The following PITPNC1 variants were observed in gnomAD, a reference collection of about 807,000 sequenced individuals.
PITPNC1 encodes the protein phosphatidylinositol transfer protein cytoplasmic 1.
Under a neutral mutation model 44.7 loss-of-function variants are expected in PITPNC1, and 18 were observed. The ratio of observed to expected loss-of-function variants is 0.40; its 90% CI spans 0.28 to 0.60. The LOEUF is 0.60. Among genes scored for constraint, PITPNC1 ranks in the 20% least tolerant of loss-of-function variants. PITPNC1 has a pLI of 0.39. For missense variants in PITPNC1, 290 were observed against 418.4 expected, an observed-to-expected ratio of 0.69 and a Z score of 2.68; for synonymous variants, 141 against 149.6, an observed-to-expected ratio of 0.94 and a Z score of 0.42.
At chr17:67,472,511 G>T (rs1224672042) in intron 1 of PITPNC1, among the ~76,000 whole-genome samples, 1 of 151,606 alleles carries the variant, frequency 6.6e-6, no homozygotes, top group Non-Finnish European at 1.5e-5. Context: ...GCCGGGCGTG[G>T]TGGTGGGCGC....
intron 1 of PITPNC1, among the ~76,000 whole-genome samples, chr17:67,387,351 A>G (rs2038070361): frequency 1.3e-5 from 2 of 152,144 alleles, no homozygotes; most frequent in Admixed American, 1.3e-4. Flanking sequence ...TGAACACTCC[A>G]TCTACAATAG....
intron 1 of PITPNC1, among the ~76,000 whole-genome samples, chr17:67,407,205 A>G (rs1486475288): frequency 6.6e-6 from 1 of 152,162 alleles, no homozygotes; most frequent in African/African-American, 2.4e-5. Context: ...TAGCCATTCT[A>G]GTAGGTGTGA....
chr17:67,682,086 A>G (rs1481715388), intron 8 of PITPNC1, among the ~76,000 whole-genome samples: 1 of 152,090 alleles, frequency 6.6e-6, no homozygotes, highest in African/African-American at 2.4e-5. Flanking sequence ...CTGTAATCCC[A>G]GCTACTCAGG....
At chr17:67,581,974 C>T (rs893099190) in intron 5 of PITPNC1, among the ~76,000 whole-genome samples, 2 of 151,626 alleles carry the variant, frequency 1.3e-5, no homozygotes, top group Non-Finnish European at 2.9e-5. Context: ...CAGAGGTTGC[C>T]GTGAGCAGAG....
intron 8 of PITPNC1, among the ~76,000 whole-genome samples, chr17:67,680,114 A>C (rs1420351201): frequency 3.9e-5 from 6 of 152,146 alleles, no homozygotes; most frequent in Admixed American, 3.3e-4. Flanking sequence ...AAATGGAGAA[A>C]GAAGCCTGCT....
intron 1 of PITPNC1, among the ~76,000 whole-genome samples, chr17:67,440,503 TTTA>T (rs1567990609): frequency 0.022 from 234 of 10,612 alleles, 3 homozygotes; most frequent in Middle Eastern, 0.21. Context: ...AGACTTTTTA[TTTA>T]TTTATTTATT....
intron 1 of PITPNC1, among the ~76,000 whole-genome samples, chr17:67,501,688 C>T (rs186068876): frequency 3.9e-4 from 59 of 152,130 alleles, no homozygotes; most frequent in African/African-American, 1.3e-3. Flanking sequence ...AAAAATGAGC[C>T]GGGATGTGGT....
In PITPNC1 at chr17:67,520,480, C is replaced by A. The variant is rs141873176; in HGVS notation, c.49-12322C>A. ...TTGCGATCGGTTTCACATTTCCTGG[C>A]AAATCGTTTGAGAGCTCTGATGAAT... On this transcript the variant is annotated intron_variant, in intron 1 of 8. Transcript: ENST00000581322. Among the ~76,000 whole-genome samples the A allele has an allele frequency of 3.9e-3, 594 of 152,298 alleles. 3 individuals carry two copies. Among genetic ancestry groups the A allele is most frequent in the Non-Finnish European group, 6.8e-3 (463 of 68,030 alleles).
At chr17:67,654,758 G>A (rs138616946) in intron 6 of PITPNC1, among the ~76,000 whole-genome samples, 5 of 152,098 alleles carry the variant, frequency 3.3e-5, no homozygotes, top group African/African-American at 7.2e-5. Context: ...TCGGTCTCCC[G>A]AGTAGCTGGG....
chr17:67,607,542 G>A (rs982631461), intron 5 of PITPNC1, among the ~76,000 whole-genome samples: 2 of 152,108 alleles, frequency 1.3e-5, no homozygotes, highest in Admixed American at 6.6e-5. Flanking sequence ...CTTCTTATTT[G>A]GAAAATTTCA....
rs1474766796 is a variant in PITPNC1, at chr17:67,508,614, A to G, written c.49-24188A>G. Among the ~76,000 whole-genome samples, 1 of 152,220 alleles carries G rather than the reference A, an allele frequency of 6.6e-6. No individual in the cohort carries two copies. The highest frequency in any genetic ancestry group is 1.5e-5 in the Non-Finnish European group (1 of 68,042). On this transcript the variant is annotated intron_variant, in intron 1 of 8. Coordinates refer to ENST00000581322, the MANE Select transcript of PITPNC1 (RefSeq NM_012417.4). The surrounding 1 kb of genome is among the most constrained non-coding windows in gnomAD (Gnocchi z 4.2). ...CCTTAACTCTCTGGGAATGCAGCCC[A>G]GTAGATCTCAGCCTCATTTTACTCA...
At chr17:67,520,456 T>A (rs528539963) in intron 1 of PITPNC1, among the ~76,000 whole-genome samples, 2 of 152,356 alleles carry the variant, frequency 1.3e-5, no homozygotes, top group South Asian at 2.1e-4. Flanking sequence ...TAACTTGAGT[T>A]GCGATCGGTT....
At chr17:67,492,879 T>C (rs561274276) in intron 1 of PITPNC1, among the ~76,000 whole-genome samples, 2 of 152,334 alleles carry the variant, frequency 1.3e-5, no homozygotes, top group East Asian at 3.9e-4. Flanking sequence ...GGTGTGAATA[T>C]ACCACGATTT....
Position 67,378,026 on chromosome 17 carries a change from G to C in PITPNC1, c.-129G>C. 2.1e-6 allele frequency: 1 copy of C among 483,104 alleles called. No homozygotes were observed. The highest frequency in any genetic ancestry group is 3.5e-6 in the Non-Finnish European group (1 of 284,666). The allele number at this position is 483,104 out of a possible 1,614,324, so 29.9% of individuals were successfully genotyped here. On this transcript the variant is annotated 5_prime_UTR_variant, in exon 1 of 9. Transcript: ENST00000581322. ...GGAAGCCAGGAGCTGAGCGCGCCGCGGGGGCTGCTTCGCCCTCCGGCTCCG... is the reference window on the plus strand; with the variant it reads ...GGAAGCCAGGAGCTGAGCGCGCCGCCGGGGCTGCTTCGCCCTCCGGCTCCG...
intron 5 of PITPNC1, among the ~76,000 whole-genome samples, chr17:67,581,814 C>G (rs375072795): frequency 6.6e-6 from 1 of 152,090 alleles, no homozygotes; most frequent in African/African-American, 2.4e-5. Context: ...TGGGTGGATA[C>G]CTGAGGTCAG....
At position 67,466,139 on chromosome 17, in the gene PITPNC1, TACAGGCAC is replaced by T. The variant is rs1448053947; in HGVS notation, c.49-66660_49-66653del. Among the ~76,000 whole-genome samples, 7 of 134,538 alleles carry T rather than the reference TACAGGCAC, an allele frequency of 5.2e-5. No individual in the cohort carries two copies. The East Asian group carries it at 1.6e-3, about 30-fold the overall frequency. 88.3% of individuals were successfully genotyped at this position (134,538 alleles called of 152,430 possible). A position where few individuals can be genotyped will look rare whatever the true frequency, so the allele number is the denominator to read the frequency against. On this transcript the variant is annotated intron_variant, in intron 1 of 8. Coordinates refer to ENST00000581322, the MANE Select transcript of PITPNC1 (RefSeq NM_012417.4). The stretch of plus-strand genomic sequence containing the variant: ...CCTTAGCCTCCTGAGTAGCTGGGAC[TACAGGCAC>T]ACGCCCAAATGCATAACTAATTTTT...
chr17:67,625,058 C>G (rs1313177409), intron 5 of PITPNC1, among the ~76,000 whole-genome samples: 1 of 152,144 alleles, frequency 6.6e-6, no homozygotes, highest in Non-Finnish European at 1.5e-5. Context: ...GTTATTCACT[C>G]TCTAGTGTGT....
chr17:67,431,687 C>G (rs1270433043), intron 1 of PITPNC1, among the ~76,000 whole-genome samples: 1 of 152,114 alleles, frequency 6.6e-6, no homozygotes, highest in African/African-American at 2.4e-5. Context: ...GCCTTGAATA[C>G]TAATATAGAC....
chr17:67,478,350 G>C (rs1157751452), intron 1 of PITPNC1, among the ~76,000 whole-genome samples: 2 of 152,198 alleles, frequency 1.3e-5, no homozygotes, highest in Non-Finnish European at 2.9e-5. Flanking sequence ...ATGAGAGCCA[G>C]TCTGATCTTT....
Sources: allele counts gnomAD v4.1 joint callset (sites outside exome capture counted in the v4.1 genomes callset), GRCh38; gene constraint gnomAD v4.1.1; non-coding constraint Gnocchi (gnomAD v3.1); transcripts MANE v1.5; gene names NCBI Gene and HGNC (gene_info 2026-07-23, HGNC 2026-07-21).